Variants in KPNA5 observed in about 807,000 individuals in gnomAD.
The protein encoded by KPNA5 is karyopherin subunit alpha 5, also known as importin subunit alpha-6.
A neutral mutation model predicts 71.3 loss-of-function variants in KPNA5; 46 were observed. That is an observed-to-expected ratio of 0.65 (90% CI 0.51 to 0.83). The LOEUF (loss-of-function observed/expected upper bound fraction) is 0.83. Ranked by LOEUF, KPNA5 falls within the 40% of genes least tolerant of loss-of-function variation. The pLI, the probability that KPNA5 is intolerant of heterozygous loss-of-function variation, is 0.00. For synonymous variants in KPNA5, 207 were observed against 201.4 expected, an observed-to-expected ratio of 1.03 and a Z score of -0.24; for missense variants, 547 against 628.3, an observed-to-expected ratio of 0.87 and a Z score of 1.38.
rs1779617488 is a variant in KPNA5, at chr6:116,734,913, G to T, written c.*2590G>T. 6.6e-6 allele frequency: 1 copy of T among 151,666 alleles called. No individual in the cohort carries two copies. Among genetic ancestry groups the T allele is most frequent in the Non-Finnish European group, 1.5e-5 (1 of 67,718 alleles). The allele number at this position is 151,666 out of a possible 1,614,324, so 9.4% of individuals were successfully genotyped here. ...AAAGAGGAATGCATGTAGCATTAAT[G>T]CAAATATCAAGAAAATACTTGAAAG... On this transcript the variant is annotated 3_prime_UTR_variant, in exon 14 of 14. Transcript: ENST00000368564.
chr6:116,693,982 A>G (rs200900478), intron 4 of KPNA5, among the ~76,000 whole-genome samples: 463 of 129,466 alleles, frequency 3.6e-3, no homozygotes, highest in South Asian at 6.4e-3. Flanking sequence ...AGCACCATTT[A>G]TTAAATAGGG....
intron 2 of KPNA5, among the ~76,000 whole-genome samples, chr6:116,691,144 G>A (rs1173261110): frequency 1.3e-5 from 2 of 152,184 alleles, no homozygotes; most frequent in African/African-American, 4.8e-5. Flanking sequence ...CAGGAGGATC[G>A]CTTGAACCCA....
At chr6:116,686,528 T>C (rs1369334559) in intron 1 of KPNA5, among the ~76,000 whole-genome samples, 1 of 152,222 alleles carries the variant, frequency 6.6e-6, no homozygotes, top group African/African-American at 2.4e-5. Context: ...CAGATTCTTT[T>C]GCTGTGCAGG....
At chr6:116,702,752 C>T (rs1020282803) in intron 6 of KPNA5, among the ~76,000 whole-genome samples, 8 of 152,190 alleles carry the variant, frequency 5.3e-5, no homozygotes, top group Non-Finnish European at 8.8e-5. Context: ...TAAAGCTGAA[C>T]TGGTTTGACT....
chr6:116,739,219 G>A lies in KPNA5; in HGVS notation c.*6896G>A, dbSNP rs1779780469. On this transcript the variant is annotated 3_prime_UTR_variant, in exon 14 of 14. Coordinates refer to ENST00000368564, the MANE Select transcript of KPNA5 (RefSeq NM_001366306.2). ...CTTATACACCAATAACAGACAAACA[G>A]CCAAATCATGAGTGAACTCCCATTC... is the stretch of plus-strand genomic sequence containing the variant. 6.6e-6 allele frequency: 1 copy of A among 152,050 alleles called. No individual in the cohort carries two copies. Among genetic ancestry groups the A allele is most frequent in the African/African-American group, 2.4e-5 (1 of 41,384 alleles). 9.4% of individuals were successfully genotyped at this position (152,050 alleles called of 1,614,324 possible). A position where few individuals can be genotyped will look rare whatever the true frequency, so the allele number is the denominator to read the frequency against.
At chr6:116,683,676 G>T (rs1358278387) in intron 1 of KPNA5, among the ~76,000 whole-genome samples, 1 of 151,718 alleles carries the variant, frequency 6.6e-6, no homozygotes, top group Non-Finnish European at 1.5e-5. Context: ...GCCTCCCGGG[G>T]TTCATGCCAG....
chr6:116,736,130 A>T lies in KPNA5; in HGVS notation c.*3807A>T, dbSNP rs1248886573. ...CATTTGATAAAGGGATCAATTCATG[A>T]TAGTCAAAATGTAGAAACAAATGTT... On this transcript the variant is annotated 3_prime_UTR_variant, in exon 14 of 14. Coordinates refer to ENST00000368564, the MANE Select transcript of KPNA5 (RefSeq NM_001366306.2). 1 of 151,876 alleles carries T rather than the reference A, an allele frequency of 6.6e-6. No individual in the cohort carries two copies. The highest frequency in any genetic ancestry group is 2.4e-5 in the African/African-American group (1 of 41,410). 9.4% of individuals were successfully genotyped at this position (151,876 alleles called of 1,614,324 possible).
intron 2 of KPNA5, 101 bp downstream of exon 2, chr6:116,689,554 C>A: frequency 9.8e-7 from 1 of 1,018,102 alleles, no homozygotes; most frequent in Non-Finnish European, 1.4e-6. Context: ...TTGAATATAG[C>A]TAAATCTATT....
intron 11 of KPNA5, among the ~76,000 whole-genome samples, chr6:116,726,103 A>G (rs1779278931): frequency 1.4e-5 from 2 of 140,678 alleles, no homozygotes. Context: ...TGCCTGACAC[A>G]TAATGGTTTG....
At chr6:116,710,893 ATTTTT>A (rs67301038) in intron 7 of KPNA5, among the ~76,000 whole-genome samples, 4,965 of 86,590 alleles carry the variant, frequency 0.057, 369 homozygotes, top group African/African-American at 0.2. Context: ...ATATATATAT[ATTTTT>A]TTTTTTTTTT....
chr6:116,686,715 G>A (rs9784860), intron 1 of KPNA5, among the ~76,000 whole-genome samples: 4,285 of 152,138 alleles, frequency 0.028, 175 homozygotes, highest in African/African-American at 0.085. Context: ...GAGTTATTTT[G>A]TATATGGAAG....
intron 7 of KPNA5, among the ~76,000 whole-genome samples, chr6:116,711,431 A>T (rs1778680952): frequency 6.7e-6 from 1 of 149,792 alleles, no homozygotes; most frequent in Admixed American, 6.6e-5. Context: ...TCTTTTTTTC[A>T]TATGGGGTGT....
chr6:116,716,416 GTAAT>G (rs1341625581), intron 8 of KPNA5, 98 bp downstream of exon 8: 9 of 801,272 alleles, frequency 1.1e-5, no homozygotes, highest in Non-Finnish European at 1.8e-5. Context: ...TTTTTGTTTA[GTAAT>G]TATTTTCTTT....
intron 10 of KPNA5, among the ~76,000 whole-genome samples, chr6:116,725,141 A>G (rs1777534253): frequency 6.6e-6 from 1 of 152,188 alleles, no homozygotes; most frequent in Non-Finnish European, 1.5e-5. Flanking sequence ...CTAGACATAT[A>G]CTGTAATTTT....
At chr6:116,698,965 A>G (rs1040881419) in intron 5 of KPNA5, among the ~76,000 whole-genome samples, 167 bp downstream of exon 5, 6 of 152,060 alleles carry the variant, frequency 3.9e-5, no homozygotes, top group African/African-American at 1.4e-4. Flanking sequence ...TTTCAGTGCT[A>G]GTTTTTTTCT....
rs1267051721 is a variant in KPNA5, at chr6:116,686,654, TC to T, written c.5-2664del. Among the ~76,000 whole-genome samples the T allele has an allele frequency of 3.3e-5, 5 of 152,344 alleles. No homozygotes were observed. The East Asian group carries it at 9.6e-4, about 29-fold the overall frequency. On this transcript the variant is annotated intron_variant, in intron 1 of 13. Transcript: ENST00000368564. ...CAGAATGATATTGCCTAGGTTGTCT[TC>T]CAGAGTTTTTATAGTTTTGGGTTTT...
chr6:116,709,953 G>GT (rs1338336754), intron 7 of KPNA5, among the ~76,000 whole-genome samples: 1 of 151,866 alleles, frequency 6.6e-6, no homozygotes, highest in East Asian at 1.9e-4. Context: ...TAGAGACAGG[G>GT]TTTCACCATG....
At chr6:116,690,060 G>C (rs979206575) in intron 2 of KPNA5, among the ~76,000 whole-genome samples, 2 of 142,426 alleles carry the variant, frequency 1.4e-5, no homozygotes, top group African/African-American at 5.3e-5. Flanking sequence ...TAGCAGTGAA[G>C]AAAGTAGAAA....
At chr6:116,693,176 A>G (rs1324691472) in intron 4 of KPNA5, among the ~76,000 whole-genome samples, 1 of 152,198 alleles carries the variant, frequency 6.6e-6, no homozygotes, top group Non-Finnish European at 1.5e-5. Context: ...TGCTATTGTG[A>G]ATAGTGCCGC....
Sources: gnomAD v4.1 joint callset for allele counts (sites outside exome capture counted in the v4.1 genomes callset) on GRCh38, gnomAD v4.1.1 for gene constraint, MANE v1.5 for transcripts, NCBI Gene and HGNC (gene_info 2026-07-23, HGNC 2026-07-21) for gene names.